The following CDH13 variants were observed in gnomAD, a reference collection of about 807,000 sequenced individuals.
CDH13 encodes the protein cadherin 13, also known as cadherin-13.
A neutral mutation model predicts 63.8 loss-of-function variants in CDH13; 24 were observed. The ratio of observed to expected loss-of-function variants is 0.38; its 90% CI spans 0.27 to 0.53. The LOEUF (loss-of-function observed/expected upper bound fraction) is 0.53. Ranked by LOEUF, CDH13 falls within the 20% of genes least tolerant of loss-of-function variation. The pLI, the probability that CDH13 is intolerant of heterozygous loss-of-function variation, is 0.85. For missense variants in CDH13, 1,049 were observed against 903.1 expected (o/e 1.16, Z -2.07); for synonymous variants, 503 against 355.3 (o/e 1.42, Z -4.67).
chr16:83,311,884 G>T (rs2090008309), intron 5 of CDH13, among the ~76,000 whole-genome samples: 1 of 152,104 alleles, frequency 6.6e-6, no homozygotes, highest in Non-Finnish European at 1.5e-5. Flanking sequence ...AGACCAACCT[G>T]ACCAAAATGG....
At chr16:83,170,472 CATGAGGCAAAGCGT>C (rs759717095) in intron 4 of CDH13, among the ~76,000 whole-genome samples, 1 of 152,126 alleles carries the variant, frequency 6.6e-6, no homozygotes, top group African/African-American at 2.4e-5. Flanking sequence ...TACTATGTTT[CATGAGGCAAAGCGT>C]GAGAAACTCA....
At chr16:83,261,881 T>G (rs8046875) in intron 5 of CDH13, among the ~76,000 whole-genome samples, 135,906 of 152,022 alleles carry the variant, frequency 0.89, 60,870 homozygotes, top group East Asian at 1. Flanking sequence ...GTGGGAGGAG[T>G]CACTCAAAGA....
At chr16:82,969,616 A>G (rs1343966104) in intron 2 of CDH13, among the ~76,000 whole-genome samples, 2 of 151,936 alleles carry the variant, frequency 1.3e-5, no homozygotes, top group African/African-American at 2.4e-5. Flanking sequence ...GAGGGAGTAC[A>G]TTATAGAATG....
intron 3 of CDH13, among the ~76,000 whole-genome samples, chr16:83,073,037 C>G (rs2151545716): frequency 6.6e-6 from 1 of 152,220 alleles, no homozygotes; most frequent in Non-Finnish European, 1.5e-5. Flanking sequence ...TGAAGGTGTC[C>G]TAAGTGCTTG....
chr16:83,072,926 A>C (rs2032544919), intron 3 of CDH13, among the ~76,000 whole-genome samples: 1 of 152,216 alleles, frequency 6.6e-6, no homozygotes, highest in African/African-American at 2.4e-5. Flanking sequence ...TTTTAAATAT[A>C]CATTAGAATG....
At chr16:82,778,570 G>GAA (rs11350020) in intron 1 of CDH13, among the ~76,000 whole-genome samples, 10,347 of 85,590 alleles carry the variant, frequency 0.12, 804 homozygotes, top group Non-Finnish European at 0.13. Context: ...ATCACGACCA[G>GAA]AAAAAAAAAA....
chr16:83,254,960 T>TTTCGTTCG (rs1226487930), intron 5 of CDH13, among the ~76,000 whole-genome samples: 10 of 4,938 alleles, frequency 2.0e-3, no homozygotes, highest in African/African-American at 2.3e-3. Flanking sequence ...TCTTTCTTTC[T>TTTCGTTCG]TTCTTTCTTT....
At chr16:83,254,228 C>T (rs1248564099) in intron 5 of CDH13, among the ~76,000 whole-genome samples, 1 of 152,196 alleles carries the variant, frequency 6.6e-6, no homozygotes, top group Non-Finnish European at 1.5e-5. Context: ...TTGGGAACCA[C>T]AGCGAAGTCA....
At chr16:82,722,003 C>T (rs188086955) in intron 1 of CDH13, among the ~76,000 whole-genome samples, 113 of 152,234 alleles carry the variant, frequency 7.4e-4, no homozygotes, top group Non-Finnish European at 5.1e-4. Flanking sequence ...GACCCATAGT[C>T]GGACAGACCA....
chr16:83,512,064 G>GTA (rs2074579694), intron 7 of CDH13, among the ~76,000 whole-genome samples: 1 of 152,140 alleles, frequency 6.6e-6, no homozygotes, highest in African/African-American at 2.4e-5. Context: ...GCTCACGCCT[G>GTA]TAATTCCAGC....
At chr16:82,725,311 T>C (rs917592108) in intron 1 of CDH13, among the ~76,000 whole-genome samples, 1 of 152,158 alleles carries the variant, frequency 6.6e-6, no homozygotes, top group Non-Finnish European at 1.5e-5. Context: ...CCAAACCAGG[T>C]TTGTGGCCTT....
intron 2 of CDH13, among the ~76,000 whole-genome samples, chr16:82,935,473 T>A (rs966674035): frequency 1.3e-5 from 2 of 152,254 alleles, no homozygotes; most frequent in East Asian, 1.9e-4. Flanking sequence ...TCTCAAGATC[T>A]GTGTGCTATT....
At position 83,227,004 on chromosome 16, in the gene CDH13, AAG is replaced by A. The variant is rs908001447; in HGVS notation, c.636+9510_636+9511del. On this transcript the variant is annotated intron_variant, in intron 5 of 13. Coordinates refer to ENST00000567109, the MANE Select transcript of CDH13 (RefSeq NM_001257.5). ...TGTGGACTGGAAGACAGAGGAGCGA[AAG>A]AGGGGATACGGACAGGTTGTCCTCC... Among the ~76,000 whole-genome samples the A allele has an allele frequency of 3.6e-3, 550 of 152,352 alleles. 6 individuals carry two copies. The highest frequency in any genetic ancestry group is 0.013 in the African/African-American group (520 of 41,580).
intron 3 of CDH13, among the ~76,000 whole-genome samples, chr16:83,045,634 T>TAAAAAAAAA (rs71382861): frequency 5.7e-4 from 61 of 107,910 alleles, no homozygotes; most frequent in African/African-American, 1.6e-3. Context: ...AAGATTCCTT[T>TAAAAAAAAA]AAAAAAAAAA....
intron 1 of CDH13, among the ~76,000 whole-genome samples, chr16:82,791,785 T>A (rs1010468670): frequency 6.6e-6 from 1 of 152,208 alleles, no homozygotes; most frequent in Admixed American, 6.5e-5. Flanking sequence ...GAACACTAGT[T>A]GCTGGGCTCC....
At position 83,000,223 on chromosome 16, in the gene CDH13, A is replaced by ATTTTTTTTTTT. The variant is rs746904500; in HGVS notation, c.158-31756_158-31746dup. Among the ~76,000 whole-genome samples the ATTTTTTTTTTT allele has an allele frequency of 5.9e-4, 22 of 37,018 alleles. 4 individuals are homozygous for ATTTTTTTTTTT. Among genetic ancestry groups the ATTTTTTTTTTT allele is most frequent in the East Asian group, 1.4e-3 (1 of 712 alleles). 24.3% of individuals were successfully genotyped at this position (37,018 alleles called of 152,430 possible). On this transcript the variant is annotated intron_variant, in intron 2 of 13. Transcript: ENST00000567109. ...CTAGGAATATCCACAGGTTTAGCTT[A>ATTTTTTTTTTT]TTTTTTTTTTTTTTTTTTTTTTTTT...
At chr16:83,602,082 C>CAAAAAAAAAAA (rs576973198) in intron 7 of CDH13, among the ~76,000 whole-genome samples, 8 of 32,296 alleles carry the variant, frequency 2.5e-4, no homozygotes, top group South Asian at 2.1e-3. Flanking sequence ...GACTCTGTCT[C>CAAAAAAAAAAA]AAAAAAAAAA....
intron 6 of CDH13, among the ~76,000 whole-genome samples, chr16:83,413,092 G>T (rs1210055505): frequency 1.3e-5 from 2 of 152,176 alleles, no homozygotes; most frequent in Non-Finnish European, 2.9e-5. Context: ...GCATCAAACA[G>T]TGGTAATGCC....
intron 1 of CDH13, among the ~76,000 whole-genome samples, chr16:82,714,307 C>G (rs1001068072): frequency 1.3e-5 from 2 of 152,106 alleles, no homozygotes; most frequent in African/African-American, 4.8e-5. Context: ...AAGTCCAAAT[C>G]CCCAGGATCT....
Sources: gnomAD v4.1 joint callset for allele counts (sites outside exome capture counted in the v4.1 genomes callset) on GRCh38, gnomAD v4.1.1 for gene constraint, MANE v1.5 for transcripts, NCBI Gene and HGNC (gene_info 2026-07-23, HGNC 2026-07-21) for gene names.